Variants in OSBPL5 observed in about 807,000 individuals in gnomAD.
The protein encoded by OSBPL5 is oxysterol-binding protein-related protein 5.
In OSBPL5, 71 loss-of-function variants were observed where a neutral mutation model predicts 111.2. That is an observed-to-expected ratio of 0.64 (90% confidence interval 0.53 to 0.78). The LOEUF (loss-of-function observed/expected upper bound fraction) is 0.78, where lower values mean the gene tolerates loss of function less well. OSBPL5 is among the 30% of genes least tolerant of loss of function. The probability of loss-of-function intolerance (pLI) is 0.00; values close to 1 mark genes in which losing one functional copy is unlikely to be tolerated. For missense variants in OSBPL5, 1,210 were observed against 1,189.3 expected (o/e 1.02, Z -0.26); for synonymous variants, 549 against 513.9 (o/e 1.07, Z -0.93).
At chr11:3,135,771 C>T (rs1056953405) in intron 1 of OSBPL5, among the ~76,000 whole-genome samples, 1 of 152,212 alleles carries the variant, frequency 6.6e-6, no homozygotes, top group African/African-American at 2.4e-5. Flanking sequence ...AGAGCCACTG[C>T]TTGACCCCCC....
In OSBPL5 at chr11:3,162,665, C is replaced by T. The variant is rs944537912; in HGVS notation, c.-22+2551G>A. Among the ~76,000 whole-genome samples, 11 of 152,010 alleles carry T rather than the reference C, an allele frequency of 7.2e-5. No individual in the cohort carries two copies. The highest frequency in any genetic ancestry group is 1.5e-4 in the Non-Finnish European group (10 of 68,016). ...ACGGGAAAGGTTACCCAGCCGTGGCCAAGACCCAGCCACCAAGGCCCCAAA... is the reference window on the plus strand; with the variant it reads ...ACGGGAAAGGTTACCCAGCCGTGGCTAAGACCCAGCCACCAAGGCCCCAAA... On this transcript the variant is annotated intron_variant, in intron 1 of 21. Coordinates refer to ENST00000263650, the MANE Select transcript of OSBPL5 (RefSeq NM_020896.4). This position sits in a 1 kb window ranked among gnomAD's most constrained non-coding sequence, Gnocchi z 8.1.
At chr11:3,115,057 A>G (rs1858163224) in intron 7 of OSBPL5, among the ~76,000 whole-genome samples, 1 of 151,758 alleles carries the variant, frequency 6.6e-6, no homozygotes. Context: ...CCTTCAACTC[A>G]TTTTCAGCTC....
At chr11:3,118,152 A>T (rs1009321590) in intron 7 of OSBPL5, among the ~76,000 whole-genome samples, 2 of 152,372 alleles carry the variant, frequency 1.3e-5, no homozygotes, top group East Asian at 1.9e-4. Flanking sequence ...AAAGATTTTT[A>T]AAAAGGGGGG....
chr11:3,107,762 C>A lies in OSBPL5; in HGVS notation c.866+9G>T. The A allele has an allele frequency of 6.2e-7, 1 of 1,610,700 alleles. No individual in the cohort carries two copies. Among genetic ancestry groups the A allele is most frequent in the Non-Finnish European group, 8.5e-7 (1 of 1,179,794 alleles). On this transcript the variant is annotated intron_variant, in intron 8 of 21. Coordinates refer to ENST00000263650, the MANE Select transcript of OSBPL5 (RefSeq NM_020896.4). This position sits in a 1 kb window ranked among gnomAD's most constrained non-coding sequence, Gnocchi z 6.1. ...TCACCACCAGCCCCTGTGCCCTCGC[C>A]CCACTCACGGGAACAGGTCTTGGTC...
At chr11:3,112,077 GTGTGTGTGCATGTGTGTGTGCATA>G (rs1858004892) in intron 7 of OSBPL5, among the ~76,000 whole-genome samples, 2 of 98,744 alleles carry the variant, frequency 2.0e-5, no homozygotes, top group African/African-American at 3.4e-5. Flanking sequence ...GTGTGTGCAT[GTGTGTGTGCATGTGTGTGTGCATA>G]TGTGTGTGTG....
In OSBPL5 at chr11:3,092,683, C is replaced by T. The variant is rs1198605261; in HGVS notation, c.2133-125G>A. On this transcript the variant is annotated intron_variant, in intron 18 of 21. Transcript: ENST00000263650. The surrounding 1 kb of genome is among the most constrained non-coding windows in gnomAD (Gnocchi z 5.4). ...TCCAGGAGAATGACCACTGCCCACA[C>T]CCCATGGGCAGGGCCTGCAGTAAGG... 4 of 1,358,758 alleles carry T rather than the reference C, an allele frequency of 2.9e-6. No individual in the cohort carries two copies. The highest frequency in any genetic ancestry group is 1.5e-5 in the African/African-American group (1 of 68,160). The allele number at this position is 1,358,758 out of a possible 1,614,324, so 84.2% of individuals were successfully genotyped here. A position where few individuals can be genotyped will look rare whatever the true frequency, so the allele number is the denominator to read the frequency against.
chr11:3,093,274 T>C, intron 17 of OSBPL5: 2 of 741,076 alleles, frequency 2.7e-6, no homozygotes, highest in Non-Finnish European at 4.3e-6. Flanking sequence ...GGGACCTCCC[T>C]GTGCACCTGT....
In OSBPL5 at chr11:3,104,426, A is replaced by G; in HGVS notation, c.1060-49T>C. On this transcript the variant is annotated intron_variant, in intron 9 of 21. Transcript: ENST00000263650. This position sits in a 1 kb window ranked among gnomAD's most constrained non-coding sequence, Gnocchi z 5.0. Reference sequence around the variant, plus strand: ...GGCCCTGCCCGGAAGAGCCGGGAGGAAGGGGTGGCGGGACAGTGGCAGCTC... The same window carrying G: ...GGCCCTGCCCGGAAGAGCCGGGAGGGAGGGGTGGCGGGACAGTGGCAGCTC... 6.3e-7 allele frequency: 1 copy of G among 1,586,014 alleles called. No homozygotes were observed. Among genetic ancestry groups the G allele is most frequent in the Non-Finnish European group, 8.5e-7 (1 of 1,172,970 alleles).
intron 10 of OSBPL5, among the ~76,000 whole-genome samples, chr11:3,103,785 T>TTCCTGCCTGCGCAGCC: frequency 1.8e-5 from 1 of 55,000 alleles, no homozygotes; most frequent in South Asian, 6.1e-4. Context: ...GCCTCTGCAG[T>TTCCTGCCTGCGCAGCC]CCCTTCCTGC....
chr11:3,098,099 C>CA (rs1427261065), intron 14 of OSBPL5, among the ~76,000 whole-genome samples: 6 of 151,764 alleles, frequency 4.0e-5, no homozygotes, highest in Non-Finnish European at 8.8e-5. Context: ...AACAAACAAA[C>CA]AAAAAAACCA....
At chr11:3,163,778 C>T (rs958281665) in intron 1 of OSBPL5, among the ~76,000 whole-genome samples, 2 of 152,222 alleles carry the variant, frequency 1.3e-5, no homozygotes, top group African/African-American at 2.4e-5. Context: ...GACAGACACA[C>T]GCGGTGCCTG....
chr11:3,099,885 A>G (rs1287391033), intron 14 of OSBPL5, among the ~76,000 whole-genome samples: 1 of 152,152 alleles, frequency 6.6e-6, no homozygotes, highest in African/African-American at 2.4e-5. Context: ...CCTGACCAAC[A>G]TGGTGAAACC....
chr11:3,110,834 A>G lies in OSBPL5; in HGVS notation c.692-2889T>C, dbSNP rs537395614. On this transcript the variant is annotated intron_variant, in intron 7 of 21. Transcript: ENST00000263650. The surrounding 1 kb of genome is among the most constrained non-coding windows in gnomAD (Gnocchi z 5.3). Reference sequence around the variant, plus strand: ...GACCAAACCAATGTTCATCTTACATATGTTGGTTAATGTCTCATGTCTCCC... The same window carrying G: ...GACCAAACCAATGTTCATCTTACATGTGTTGGTTAATGTCTCATGTCTCCC... Among the ~76,000 whole-genome samples the G allele has an allele frequency of 1.3e-5, 2 of 152,282 alleles. No homozygotes were observed. The highest frequency in any genetic ancestry group is 6.5e-5 in the Admixed American group (1 of 15,298).
intron 19 of OSBPL5, 141 bp from the exon 20 acceptor site, chr11:3,090,837 G>T: frequency 8.8e-7 from 1 of 1,142,572 alleles, no homozygotes; most frequent in Non-Finnish European, 1.2e-6. Flanking sequence ...TGTGGAGCTG[G>T]CTGGAGGGGT....
intron 1 of OSBPL5, among the ~76,000 whole-genome samples, chr11:3,153,591 T>A (rs945319678): frequency 6.6e-6 from 1 of 152,170 alleles, no homozygotes; most frequent in African/African-American, 2.4e-5. Context: ...GAATAATGAA[T>A]GGCCACAGCC....
chr11:3,152,775 T>C (rs140194076), intron 1 of OSBPL5, among the ~76,000 whole-genome samples: 3 of 152,290 alleles, frequency 2.0e-5, no homozygotes, highest in East Asian at 1.9e-4. Context: ...TGATCCACAC[T>C]GGATGTTGAG....
chr11:3,096,781 A>T (rs762305324), intron 14 of OSBPL5, among the ~76,000 whole-genome samples: 1 of 152,070 alleles, frequency 6.6e-6, no homozygotes, highest in Admixed American at 6.6e-5. Flanking sequence ...TGCTGTGGGT[A>T]TATGGGGTGT....
intron 3 of OSBPL5, among the ~76,000 whole-genome samples, chr11:3,125,429 G>A (rs1390358083): frequency 6.6e-6 from 1 of 152,196 alleles, no homozygotes; most frequent in African/African-American, 2.4e-5. Flanking sequence ...GCTAATGGGT[G>A]CACGAAGATG....
chr11:3,120,483 T>G lies in OSBPL5; in HGVS notation c.544A>C (p.Lys182Gln), dbSNP rs749150881. The G allele has an allele frequency of 1.2e-6, 2 of 1,613,368 alleles. No individual in the cohort carries two copies. Among genetic ancestry groups the G allele is most frequent in the Admixed American group, 3.3e-5 (2 of 60,026 alleles). The part of the protein sequence containing the change: ...HCCELIERPS[K>Q]KDGFCFKLFH... ...AGCTTGAAGCAGAAGCCGTCCTTCTTGGAGGGCCGCTCGATGAGCTCGCAG... is the reference window on the plus strand; with the variant it reads ...AGCTTGAAGCAGAAGCCGTCCTTCTGGGAGGGCCGCTCGATGAGCTCGCAG... The change falls in exon 6 of 22, where the codon AAG becomes CAG. Residue 182 changes from lysine to glutamine, a missense_variant. Physicochemically the swap from Lys to Gln is moderately conservative, Grantham distance 53 (BLOSUM62 1). Transcript: ENST00000263650.
Sources: allele counts gnomAD v4.1 joint callset (sites outside exome capture counted in the v4.1 genomes callset), GRCh38; gene constraint gnomAD v4.1.1; non-coding constraint Gnocchi (gnomAD v3.1); transcripts MANE v1.5; gene names NCBI Gene and HGNC (gene_info 2026-07-23, HGNC 2026-07-21).